Variants in ATG7 observed in about 807,000 individuals in gnomAD.
ATG7 encodes the protein autophagy related 7.
Under a neutral mutation model 82.4 loss-of-function variants are expected in ATG7, and 70 were observed. That is an observed-to-expected ratio of 0.85 (90% CI 0.70 to 1.04). The LOEUF (loss-of-function observed/expected upper bound fraction) is 1.04, where lower values mean the gene tolerates loss of function less well. ATG7 is among the 50% of genes least tolerant of loss of function. The probability of loss-of-function intolerance (pLI) is 0.00; values close to 1 mark genes in which losing one functional copy is unlikely to be tolerated. For synonymous variants in ATG7, 287 were observed against 313.0 expected, an observed-to-expected ratio of 0.92 and a Z score of 0.88; for missense variants, 792 against 864.3, an observed-to-expected ratio of 0.92 and a Z score of 1.05.
the ATG7 span, among the ~76,000 whole-genome samples, chr3:11,565,416 T>C: frequency 6.6e-6 from 1 of 152,252 alleles, no homozygotes; most frequent in East Asian, 1.9e-4. The surrounding 1 kb of genome is among the most constrained non-coding windows in gnomAD (Gnocchi z 4.1). Context: ...ACTGGCTGCG[T>C]CCTACATGCA....
rs749587435 is a variant in ATG7 at position 11,370,325 on chromosome 3, C to G, written c.1875+5591C>G. Among the ~76,000 whole-genome samples, 28 of 150,782 alleles carry G rather than the reference C, an allele frequency of 1.9e-4. 2 individuals carry two copies. The highest frequency in any genetic ancestry group is 2.7e-4 in the Non-Finnish European group (18 of 67,728). ...TCATGTCCAGCTTAGTTTTTCTGCCCCCTTGGTGACTCTAGCTTAATAGCG... is the reference window on the plus strand; with the variant it reads ...TCATGTCCAGCTTAGTTTTTCTGCCGCCTTGGTGACTCTAGCTTAATAGCG... On this transcript the variant is annotated intron_variant, in intron 18 of 20. Coordinates refer to ENST00000693202, the MANE Select transcript of ATG7 (RefSeq NM_001349232.2).
At chr3:11,289,056 T>G (rs1405508018) in intron 3 of ATG7, among the ~76,000 whole-genome samples, 4 of 152,226 alleles carry the variant, frequency 2.6e-5, no homozygotes, top group African/African-American at 7.2e-5. Flanking sequence ...TGAAATAGTT[T>G]GAAATAAAAT....
chr3:11,576,243 T>C, the ATG7 span, among the ~76,000 whole-genome samples: 1 of 152,194 alleles, frequency 6.6e-6, no homozygotes, highest in African/African-American at 2.4e-5. Context: ...CAGGAATCCA[T>C]GTGCATGCTA....
chr3:11,458,773 T>C (rs2086007334), intron 20 of ATG7, among the ~76,000 whole-genome samples: 1 of 151,994 alleles, frequency 6.6e-6, no homozygotes, highest in Admixed American at 6.5e-5. Flanking sequence ...AGTTGAGGGG[T>C]CCCCAACCCC....
intron 18 of ATG7, among the ~76,000 whole-genome samples, chr3:11,367,649 A>G (rs1559480939): frequency 6.6e-6 from 1 of 152,216 alleles, no homozygotes; most frequent in Non-Finnish European, 1.5e-5. Flanking sequence ...CAAGTGCCAA[A>G]AAAAGGCCTG....
Position 11,383,677 on chromosome 3 carries a change from T to C in ATG7, c.1956+3625T>C, listed in dbSNP as rs557837848. ...ATTGGCCAGGCTGGTCTCTAACTGC[T>C]GACCTCGTGATCCGCCCGCCTCAGC... On this transcript the variant is annotated intron_variant, in intron 19 of 20. Transcript: ENST00000693202. 5.8e-4 allele frequency among the ~76,000 whole-genome samples: 88 copies of C among 152,288 alleles called. 1 individual carries two copies. The highest frequency in any genetic ancestry group is 2.1e-3 in the African/African-American group (86 of 41,572).
chr3:11,555,612 AGG>A lies in ATG7; in HGVS notation c.*770_*771del, dbSNP rs1423995482. The A allele has an allele frequency of 6.6e-6, 1 of 152,158 alleles. No homozygotes were observed. The highest frequency in any genetic ancestry group is 2.4e-5 in the African/African-American group (1 of 41,380). The allele number at this position is 152,158 out of a possible 1,614,324, so 9.4% of individuals were successfully genotyped here. On this transcript the variant is annotated 3_prime_UTR_variant, in exon 21 of 21. Transcript: ENST00000693202. ...GGGGCTCCTCCCTGCCCTTATGAGC[AGG>A]CCAGGCCCAGAAAGGCCGAGCCTGG...
intron 20 of ATG7, among the ~76,000 whole-genome samples, chr3:11,469,056 C>G (rs1490614822): frequency 6.6e-6 from 1 of 152,132 alleles, no homozygotes; most frequent in African/African-American, 2.4e-5. Flanking sequence ...TAAGCTAGGC[C>G]CATTGTGAAT....
chr3:11,424,980 T>A (rs2082241201), intron 19 of ATG7, among the ~76,000 whole-genome samples: 1 of 151,864 alleles, frequency 6.6e-6, no homozygotes, highest in Admixed American at 6.6e-5. Flanking sequence ...TATCCCTTTT[T>A]TTTGTTTTTG....
intron 19 of ATG7, among the ~76,000 whole-genome samples, chr3:11,415,251 C>T (rs1296230483): frequency 6.6e-6 from 1 of 152,118 alleles, no homozygotes; most frequent in Admixed American, 6.6e-5. Context: ...GAATACTTAC[C>T]ATAAATGGAG....
chr3:11,511,807 A>G (rs1186108682), intron 20 of ATG7, among the ~76,000 whole-genome samples: 1 of 152,072 alleles, frequency 6.6e-6, no homozygotes, highest in Non-Finnish European at 1.5e-5. Flanking sequence ...CTGCTGGGGT[A>G]CTCAGTACAC....
At chr3:11,401,218 G>A (rs554721276) in intron 19 of ATG7, among the ~76,000 whole-genome samples, 1 of 152,194 alleles carries the variant, frequency 6.6e-6, no homozygotes, top group Admixed American at 6.5e-5. Context: ...TCTGAAGCAT[G>A]CTCAAGTTTT....
At chr3:11,278,545 G>A (rs1327850255) in intron 1 of ATG7, among the ~76,000 whole-genome samples, 1 of 152,210 alleles carries the variant, frequency 6.6e-6, no homozygotes, top group Non-Finnish European at 1.5e-5. Context: ...TCATCAACAA[G>A]TATTTATTGG....
At chr3:11,423,988 A>G (rs2082154536) in intron 19 of ATG7, among the ~76,000 whole-genome samples, 1 of 152,140 alleles carries the variant, frequency 6.6e-6, no homozygotes, top group South Asian at 2.1e-4. Flanking sequence ...GACTCTCTGC[A>G]CAGCTGGGCC....
intron 5 of ATG7, among the ~76,000 whole-genome samples, chr3:11,302,407 C>G (rs189184783): frequency 9.3e-4 from 141 of 152,202 alleles, no homozygotes; most frequent in African/African-American, 3.2e-3. Context: ...TATTATTACC[C>G]CATTTTTGTT....
intron 20 of ATG7, among the ~76,000 whole-genome samples, chr3:11,554,432 T>C (rs2072183063): frequency 6.6e-6 from 1 of 152,120 alleles, no homozygotes; most frequent in African/African-American, 2.4e-5. Flanking sequence ...GAGCTTGCCT[T>C]CCAGAGGGCA....
intron 20 of ATG7, among the ~76,000 whole-genome samples, chr3:11,534,000 A>G (rs1325860505): frequency 6.6e-6 from 1 of 152,238 alleles, no homozygotes; most frequent in Non-Finnish European, 1.5e-5. Context: ...CACAAAGGAA[A>G]AGTCCAGAAT....
At chr3:11,338,512 C>A (rs944597378) in intron 11 of ATG7, among the ~76,000 whole-genome samples, 1 of 151,960 alleles carries the variant, frequency 6.6e-6, no homozygotes, top group Non-Finnish European at 1.5e-5. Context: ...AAGTCTTAAC[C>A]TCTTTATGAA....
At chr3:11,420,201 C>T (rs1019636406) in intron 19 of ATG7, among the ~76,000 whole-genome samples, 1 of 152,162 alleles carries the variant, frequency 6.6e-6, no homozygotes, top group Non-Finnish European at 1.5e-5. Context: ...AGATTAACTT[C>T]ACAGCACATA....
Sources: gnomAD v4.1 joint callset for allele counts (sites outside exome capture counted in the v4.1 genomes callset) on GRCh38, gnomAD v4.1.1 for gene constraint, Gnocchi (gnomAD v3.1) non-coding constraint, MANE v1.5 for transcripts, NCBI Gene and HGNC (gene_info 2026-07-23, HGNC 2026-07-21) for gene names.